The following FYB2 variants were observed in gnomAD, a reference collection of about 807,000 sequenced individuals.
The protein encoded by FYB2 is FYN binding protein 2.
A neutral mutation model predicts 94.1 loss-of-function variants in FYB2; 103 were observed. The ratio of observed to expected loss-of-function variants is 1.09; its 90% CI spans 0.93 to 1.29. The LOEUF is 1.29. FYB2 is among the 50% of genes most tolerant of loss of function. The probability of loss-of-function intolerance (pLI) is 0.00; values close to 1 mark genes in which losing one functional copy is unlikely to be tolerated. For missense variants in FYB2, 896 were observed against 841.5 expected, an observed-to-expected ratio of 1.06 and a Z score of -0.80; for synonymous variants, 293 against 287.9, an observed-to-expected ratio of 1.02 and a Z score of -0.18.
At chr1:56,816,354 G>A (rs1037396316) in intron 1 of FYB2, among the ~76,000 whole-genome samples, 1 of 152,162 alleles carries the variant, frequency 6.6e-6, no homozygotes, top group African/African-American at 2.4e-5. Context: ...TCTACATCAC[G>A]TGTCTCTAGC....
intron 5 of FYB2, among the ~76,000 whole-genome samples, chr1:56,760,788 C>T (rs1401918739): frequency 2.0e-5 from 3 of 152,226 alleles, no homozygotes; most frequent in South Asian, 2.1e-4. Flanking sequence ...CAATTAATAA[C>T]GTATTCATAA....
chr1:56,729,333 C>A (rs1644652518), intron 15 of FYB2, among the ~76,000 whole-genome samples: 2 of 151,922 alleles, frequency 1.3e-5, no homozygotes, highest in Admixed American at 1.3e-4. Context: ...AAAGTGGGAA[C>A]AGTTTGAGTT....
chr1:56,745,306 C>T (rs762670778), intron 9 of FYB2, among the ~76,000 whole-genome samples: 8 of 151,978 alleles, frequency 5.3e-5, no homozygotes, highest in Non-Finnish European at 1.0e-4. Context: ...TCATGAATTC[C>T]AGATACTTTA....
chr1:56,767,798 G>A, intron 5 of FYB2, 31 bp downstream of exon 5: 1 of 1,472,954 alleles, frequency 6.8e-7, no homozygotes. Flanking sequence ...TCCACACAGG[G>A]TTACACTATT....
At chr1:56,755,223 C>T (rs1212051299) in intron 7 of FYB2, among the ~76,000 whole-genome samples, 1 of 152,014 alleles carries the variant, frequency 6.6e-6, no homozygotes, top group African/African-American at 2.4e-5. Flanking sequence ...AACATTGGCC[C>T]TACATACAAG....
intron 15 of FYB2, among the ~76,000 whole-genome samples, chr1:56,734,860 T>C (rs1456301940): frequency 1.3e-5 from 2 of 151,828 alleles, no homozygotes; most frequent in East Asian, 1.9e-4. Context: ...TTTTAAAATG[T>C]TCAACATCAC....
intron 16 of FYB2, among the ~76,000 whole-genome samples, chr1:56,724,684 A>G (rs570884803): frequency 6.6e-6 from 1 of 152,172 alleles, no homozygotes; most frequent in East Asian, 1.9e-4. Context: ...TTAGCATTTT[A>G]TAATCTGGCC....
At chr1:56,757,865 G>C (rs1415295768) in intron 6 of FYB2, among the ~76,000 whole-genome samples, 5 of 150,584 alleles carry the variant, frequency 3.3e-5, no homozygotes, top group Middle Eastern at 3.4e-3. Context: ...CACCTCCTGG[G>C]CTTAAACGGT....
intron 1 of FYB2, among the ~76,000 whole-genome samples, chr1:56,798,831 A>T (rs1014788318): frequency 5.3e-5 from 8 of 152,182 alleles, no homozygotes; most frequent in Admixed American, 5.2e-4. Flanking sequence ...GAAGGGTCAA[A>T]GCTAGCAATC....
intron 4 of FYB2, among the ~76,000 whole-genome samples, chr1:56,773,263 G>A (rs1018859402): frequency 5.9e-5 from 9 of 152,088 alleles, no homozygotes; most frequent in South Asian, 2.1e-4. Flanking sequence ...AAAGGTCCCC[G>A]CAGAATCCCT....
chr1:56,742,271 C>A, intron 11 of FYB2, 50 bp from the exon 12 acceptor site: 2 of 1,376,548 alleles, frequency 1.5e-6, no homozygotes, highest in South Asian at 1.3e-5. Flanking sequence ...AGCAATAGTT[C>A]AGATTCATAT....
intron 5 of FYB2, among the ~76,000 whole-genome samples, chr1:56,761,575 A>G (rs1645495621): frequency 6.6e-6 from 1 of 152,206 alleles, no homozygotes; most frequent in Non-Finnish European, 1.5e-5. Context: ...ATGACCTCTG[A>G]GGACAATTCT....
At chr1:56,753,517 A>G (rs949247466) in intron 8 of FYB2, among the ~76,000 whole-genome samples, 5 of 152,224 alleles carry the variant, frequency 3.3e-5, no homozygotes, top group Admixed American at 2.6e-4. Flanking sequence ...ACAACGTTTA[A>G]GGAAACTCTC....
chr1:56,826,218 G>A, the FYB2 span, among the ~76,000 whole-genome samples: 2 of 151,982 alleles, frequency 1.3e-5, no homozygotes, highest in African/African-American at 2.4e-5. Context: ...GTCCTGGGAG[G>A]GGTACCCCCT....
intron 4 of FYB2, among the ~76,000 whole-genome samples, chr1:56,777,776 C>T (rs920438270): frequency 1.1e-4 from 16 of 152,042 alleles, no homozygotes; most frequent in African/African-American, 3.9e-4. Context: ...CTTATAATGA[C>T]CTTATCACCA....
At chr1:56,771,654 C>T (rs570615257) in intron 4 of FYB2, among the ~76,000 whole-genome samples, 2 of 152,124 alleles carry the variant, frequency 1.3e-5, no homozygotes, top group Admixed American at 6.5e-5. Flanking sequence ...AGAGTTGAAG[C>T]GACTTCAGCT....
At chr1:56,735,787 G>A (rs892530983) in intron 15 of FYB2, among the ~76,000 whole-genome samples, 2 of 151,986 alleles carry the variant, frequency 1.3e-5, no homozygotes, top group Non-Finnish European at 2.9e-5. Context: ...GTTTCCTGAG[G>A]CCTCACCAGC....
chr1:56,749,812 C>T (rs753496521), intron 9 of FYB2, among the ~76,000 whole-genome samples: 1 of 152,014 alleles, frequency 6.6e-6, no homozygotes, highest in Non-Finnish European at 1.5e-5. Flanking sequence ...CAGCAAAAAT[C>T]ATCAAGGCAA....
chr1:56,740,073 T>C (rs1000100252), intron 13 of FYB2, among the ~76,000 whole-genome samples: 1 of 151,914 alleles, frequency 6.6e-6, no homozygotes, highest in Non-Finnish European at 1.5e-5. Context: ...ATGCCCACAG[T>C]TGTACATGGA....
Sources: allele counts gnomAD v4.1 joint callset (sites outside exome capture counted in the v4.1 genomes callset), GRCh38; gene constraint gnomAD v4.1.1; transcripts MANE v1.5; gene names NCBI Gene and HGNC (gene_info 2026-07-23, HGNC 2026-07-21).